The following PTPRK variants were observed in gnomAD, a reference collection of about 807,000 sequenced individuals.
PTPRK encodes the protein receptor-type tyrosine-protein phosphatase kappa.
A neutral mutation model predicts 178.0 loss-of-function variants in PTPRK; 75 were observed. The ratio of observed to expected loss-of-function variants is 0.42; its 90% confidence interval spans 0.35 to 0.51. The LOEUF (loss-of-function observed/expected upper bound fraction) is 0.51. Ranked by LOEUF, PTPRK falls within the 20% of genes least tolerant of loss-of-function variation. PTPRK has a pLI of 0.02. For synonymous variants in PTPRK, 637 were observed against 620.6 expected, an observed-to-expected ratio of 1.03 and a Z score of -0.39; for missense variants, 1,441 against 1,797.8, an observed-to-expected ratio of 0.80 and a Z score of 3.59.
chr6:128,220,860 TGTTA>T (rs1209075818), intron 5 of PTPRK, among the ~76,000 whole-genome samples: 1 of 152,244 alleles, frequency 6.6e-6, no homozygotes, highest in Non-Finnish European at 1.5e-5. Flanking sequence ...AATTTGGAAC[TGTTA>T]GTTCTCCAAC....
At chr6:128,200,877 G>A (rs1373330819) in intron 6 of PTPRK, among the ~76,000 whole-genome samples, 1 of 111,522 alleles carries the variant, frequency 9.0e-6, no homozygotes, top group African/African-American at 3.5e-5. Context: ...GGGTGAGGAG[G>A]AAGAAGGGAG....
At chr6:127,971,222 G>C (rs1217725940) in intron 29 of PTPRK, among the ~76,000 whole-genome samples, 3 of 152,058 alleles carry the variant, frequency 2.0e-5, no homozygotes, top group Non-Finnish European at 4.4e-5. Context: ...TAAGAATTTA[G>C]AAAAATTCAG....
At chr6:127,987,665 T>C (rs1776135266) in intron 21 of PTPRK, among the ~76,000 whole-genome samples, 1 of 152,134 alleles carries the variant, frequency 6.6e-6, no homozygotes, top group Non-Finnish European at 1.5e-5. Flanking sequence ...AATTTGTCTT[T>C]TCTAGTAGTT....
chr6:128,517,069 A>AAC (rs1313821185), intron 1 of PTPRK, among the ~76,000 whole-genome samples: 2 of 151,426 alleles, frequency 1.3e-5, no homozygotes, highest in Admixed American at 6.6e-5. Context: ...GCTGAGTGAA[A>AAC]ACACACACAC....
chr6:128,399,929 G>A (rs1276409755), intron 1 of PTPRK, among the ~76,000 whole-genome samples: 3 of 152,110 alleles, frequency 2.0e-5, no homozygotes, highest in African/African-American at 7.2e-5. Flanking sequence ...TGAGTAATAA[G>A]AAAGCTTTTT....
chr6:128,476,817 G>A (rs1208400485), intron 1 of PTPRK, among the ~76,000 whole-genome samples: 1 of 151,758 alleles, frequency 6.6e-6, no homozygotes, highest in Non-Finnish European at 1.5e-5. Flanking sequence ...GGGGAACTTA[G>A]GATATGTGAT....
intron 21 of PTPRK, among the ~76,000 whole-genome samples, chr6:127,990,137 G>T (rs1054594641): frequency 1.3e-5 from 2 of 152,050 alleles, no homozygotes; most frequent in Non-Finnish European, 2.9e-5. Flanking sequence ...ATTTTAGTAT[G>T]AACTAAAATC....
chr6:128,364,689 T>C (rs1239290141), intron 2 of PTPRK, among the ~76,000 whole-genome samples: 3 of 152,030 alleles, frequency 2.0e-5, no homozygotes, highest in African/African-American at 7.2e-5. Context: ...TATTTTAAAG[T>C]ATATGGATAA....
chr6:128,495,011 A>C (rs1372571924), intron 1 of PTPRK, among the ~76,000 whole-genome samples: 1 of 152,232 alleles, frequency 6.6e-6, no homozygotes, highest in Non-Finnish European at 1.5e-5. Context: ...ATTTTCTAAG[A>C]CAAACCACTA....
chr6:128,225,265 T>C (rs764710761), intron 5 of PTPRK, among the ~76,000 whole-genome samples: 7 of 152,176 alleles, frequency 4.6e-5, no homozygotes, highest in Non-Finnish European at 7.4e-5. Flanking sequence ...CATAATGATA[T>C]ATGATTCTCT....
At chr6:128,396,328 A>T (rs1238461334) in intron 2 of PTPRK, among the ~76,000 whole-genome samples, 1 of 148,534 alleles carries the variant, frequency 6.7e-6, no homozygotes, top group African/African-American at 2.4e-5. Context: ...TTATAATAGC[A>T]TAATGATAAT....
intron 7 of PTPRK, among the ~76,000 whole-genome samples, chr6:128,174,336 C>G (rs1456239817): frequency 1.3e-5 from 2 of 151,904 alleles, no homozygotes; most frequent in East Asian, 3.9e-4. Flanking sequence ...AAGAAACCCT[C>G]ATTTGTAGCA....
chr6:128,426,242 T>C (rs1374264952), intron 1 of PTPRK, among the ~76,000 whole-genome samples: 1 of 152,226 alleles, frequency 6.6e-6, no homozygotes, highest in African/African-American at 2.4e-5. Context: ...CAATGCGTAT[T>C]AGTATTTATC....
chr6:128,014,346 A>G (rs1562437199), intron 13 of PTPRK, among the ~76,000 whole-genome samples: 1 of 151,696 alleles, frequency 6.6e-6, no homozygotes, highest in Non-Finnish European at 1.5e-5. Context: ...CACTGAAAGC[A>G]CAAGGGATTG....
chr6:128,513,085 A>T (rs1857412464), intron 1 of PTPRK, among the ~76,000 whole-genome samples: 1 of 152,000 alleles, frequency 6.6e-6, no homozygotes, highest in Non-Finnish European at 1.5e-5. Flanking sequence ...TTATGAAAAT[A>T]TTTTTTTTCA....
intron 1 of PTPRK, among the ~76,000 whole-genome samples, chr6:128,483,178 CGT>C (rs1852321794): frequency 6.6e-6 from 1 of 152,128 alleles, no homozygotes; most frequent in Non-Finnish European, 1.5e-5. Context: ...CTACAAAAGT[CGT>C]GTTTTTTCTA....
rs1350646471 is a variant in PTPRK at position 127,981,244 on chromosome 6, T to C, written c.3583A>G (p.Ile1195Val). The C allele has an allele frequency of 8.1e-6, 13 of 1,613,944 alleles. No individual in the cohort carries two copies. The South Asian group carries it at 1.1e-4, about 14-fold the overall frequency. Residue 1195 changes from isoleucine to valine, a missense_variant, in exon 25 of 30, where the codon ATA becomes GTA. Physicochemically the swap from Ile to Val is conservative, Grantham distance 29. This residue lies in a region of PTPRK where 335 missense variants were observed against 512.4 expected (regional missense o/e 0.65). Coordinates refer to ENST00000368226, the MANE Select transcript of PTPRK (RefSeq NM_002844.4). ...TPRLQAEDCS[I>V]ACLPRNHDKN... is the part of the protein sequence containing the mutation. ...TCATGGTTCCTTGGCAGGCACGCTA[T>C]ACTGCAGTCTTCAGCTTGTAGTCGA...
At chr6:128,019,437 C>T (rs1212283366) in intron 13 of PTPRK, among the ~76,000 whole-genome samples, 2 of 151,796 alleles carry the variant, frequency 1.3e-5, no homozygotes, top group Non-Finnish European at 2.9e-5. Flanking sequence ...CATAAATTGG[C>T]AGTCAGTCAC....
intron 1 of PTPRK, among the ~76,000 whole-genome samples, chr6:128,501,980 C>G (rs1254267036): frequency 1.3e-5 from 2 of 152,164 alleles, no homozygotes; most frequent in Non-Finnish European, 2.9e-5. Flanking sequence ...AATCTACCTA[C>G]TTTTACAGAC....
Sources: allele counts gnomAD v4.1 joint callset (sites outside exome capture counted in the v4.1 genomes callset), GRCh38; gene constraint gnomAD v4.1.1; regional missense constraint gnomAD v4.1.1; transcripts MANE v1.5; gene names NCBI Gene and HGNC (gene_info 2026-07-23, HGNC 2026-07-21).